Variants in OPHN1 observed in about 807,000 individuals in gnomAD.
The protein encoded by OPHN1 is oligophrenin 1, also known as oligophrenin-1.
A neutral mutation model predicts 60.7 loss-of-function variants in OPHN1; 11 were observed. That is an observed-to-expected ratio of 0.18 (90% CI 0.11 to 0.30). OPHN1 has a LOEUF of 0.30. Ranked by LOEUF, OPHN1 falls within the 10% of genes least tolerant of loss-of-function variation. The pLI is 1.00. For synonymous variants in OPHN1, 226 were observed against 222.6 expected, an observed-to-expected ratio of 1.02 and a Z score of -0.14; for missense variants, 449 against 611.0, an observed-to-expected ratio of 0.73 and a Z score of 2.80.
At chrX:68,184,036 C>T (rs2077450364) in intron 15 of OPHN1, among the ~76,000 whole-genome samples, 1 of 111,364 alleles carries the variant, frequency 9.0e-6, no homozygotes, top group Non-Finnish European at 1.9e-5. Context: ...CCACAGCATG[C>T]TTTAAAAGGC....
At chrX:68,235,498 C>T (rs2077748191) in intron 5 of OPHN1, among the ~76,000 whole-genome samples, 1 of 110,700 alleles carries the variant, frequency 9.0e-6, no homozygotes, top group African/African-American at 3.3e-5. Context: ...CAATCTGTTG[C>T]TGGGCAGGAA....
At chrX:68,231,991 TA>T (rs2077730992) in intron 6 of OPHN1, among the ~76,000 whole-genome samples, 1 of 111,757 alleles carries the variant, frequency 8.9e-6, no homozygotes, top group South Asian at 3.7e-4. Context: ...TGTGAGGGAG[TA>T]AGGGCATATG....
intron 12 of OPHN1, among the ~76,000 whole-genome samples, chrX:68,194,819 T>G (rs2077503766): frequency 9.2e-6 from 1 of 108,980 alleles, no homozygotes; most frequent in Non-Finnish European, 1.9e-5. Context: ...AATCCAAAAA[T>G]TAGCCAGGCA....
Position 68,067,363 on chromosome X carries a change from G to T in OPHN1, c.1835-3186C>A, listed in dbSNP as rs745670320. Among the ~76,000 whole-genome samples, 3 of 110,769 alleles carry T rather than the reference G, an allele frequency of 2.7e-5. No individual in the cohort carries two copies. In the East Asian group the frequency reaches 8.6e-4, roughly 32 times the overall value. ...ATAGGGACCAATTACAGATGAAAAA[G>T]TGTGGGTAGCTGGAGGTGAGGTTGT... On this transcript the variant is annotated intron_variant, in intron 20 of 24. Coordinates refer to ENST00000355520, the MANE Select transcript of OPHN1 (RefSeq NM_002547.3).
chrX:68,307,296 A>G (rs1352225692), intron 2 of OPHN1, among the ~76,000 whole-genome samples: 1 of 107,349 alleles, frequency 9.3e-6, no homozygotes, highest in East Asian at 2.9e-4. Flanking sequence ...AAAAATAATA[A>G]TAATAATAAT....
chrX:68,146,951 T>C (rs1273693569), intron 15 of OPHN1, among the ~76,000 whole-genome samples: 1 of 112,233 alleles, frequency 8.9e-6, no homozygotes, highest in East Asian at 2.8e-4. Flanking sequence ...ATTGGAATAC[T>C]GTATGATTAA....
chrX:68,304,546 C>T (rs1339768058), intron 2 of OPHN1, among the ~76,000 whole-genome samples: 1 of 110,919 alleles, frequency 9.0e-6, no homozygotes, highest in East Asian at 2.8e-4. Context: ...ATTCTGGAAA[C>T]GAGTCTTTTG....
rs2076834213 is a variant in OPHN1 at position 68,046,926 on chromosome X, A to G, written c.*246T>C. On this transcript the variant is annotated 3_prime_UTR_variant, in exon 25 of 25. Coordinates refer to ENST00000355520, the MANE Select transcript of OPHN1 (RefSeq NM_002547.3). ...GGCTTGAGGGAGTCCAGCTCTTCAC[A>G]GTGTTATAGGAACTCAAAACAGACC... The G allele has an allele frequency of 9.0e-6, 1 of 111,614 alleles. No individual in the cohort carries two copies. The highest frequency in any genetic ancestry group is 1.9e-5 in the Non-Finnish European group (1 of 53,151). 9.2% of individuals were successfully genotyped at this position (111,614 alleles called of 1,213,427 possible).
At chrX:68,203,293 G>A (rs1325857035) in intron 10 of OPHN1, among the ~76,000 whole-genome samples, 2 of 111,296 alleles carry the variant, frequency 1.8e-5, no homozygotes, top group African/African-American at 6.5e-5. Flanking sequence ...CCATCTCTAA[G>A]TCTTAACTTC....
At chrX:68,074,530 A>T (rs188916262) in intron 19 of OPHN1, among the ~76,000 whole-genome samples, 103 of 111,433 alleles carry the variant, frequency 9.2e-4, no homozygotes, top group African/African-American at 3.3e-3. Flanking sequence ...AGGTCGTTGC[A>T]CTGACTGTTT....
chrX:68,049,302 A>G (rs1287867923), intron 23 of OPHN1, among the ~76,000 whole-genome samples: 1 of 111,929 alleles, frequency 8.9e-6, no homozygotes, highest in Admixed American at 9.4e-5. Context: ...AAATTTAACA[A>G]CTGTGTCTTC....
chrX:68,395,446 CTCTT>C (rs1421065773), intron 2 of OPHN1, among the ~76,000 whole-genome samples: 16 of 106,671 alleles, frequency 1.5e-4, no homozygotes, highest in Non-Finnish European at 2.5e-4. Context: ...TTTTCTCTCT[CTCTT>C]TTTTTTTTTT....
chrX:68,155,175 AGAACATAAAG>A (rs1427106815), intron 15 of OPHN1, among the ~76,000 whole-genome samples: 2 of 112,227 alleles, frequency 1.8e-5, no homozygotes, highest in East Asian at 5.6e-4. Flanking sequence ...TGTGTATTAG[AGAACATAAAG>A]GCACAGATCA....
intron 2 of OPHN1, among the ~76,000 whole-genome samples, chrX:68,338,002 G>A (rs187686095): frequency 2.8e-4 from 31 of 111,092 alleles, no homozygotes; most frequent in Non-Finnish European, 2.6e-4. Context: ...AGAATTCAAC[G>A]ATTCACTTTC....
At position 68,432,850 on chromosome X, in the gene OPHN1, C is replaced by T; in HGVS notation, c.154+17G>A. ...ACACCAGCTCAGAGAAACAGCTCAT[C>T]GAAGCCTTGCACTTACTTCTCATAG... On this transcript the variant is annotated intron_variant, in intron 2 of 24. Transcript: ENST00000355520. 2 of 1,210,246 alleles carry T rather than the reference C, an allele frequency of 1.7e-6. No homozygotes were observed. Among genetic ancestry groups the T allele is most frequent in the Non-Finnish European group, 2.2e-6 (2 of 894,153 alleles).
chrX:68,373,311 TA>T (rs1700034419), intron 2 of OPHN1, among the ~76,000 whole-genome samples: 1 of 112,417 alleles, frequency 8.9e-6, no homozygotes, highest in African/African-American at 3.2e-5. Context: ...TCGACACTTT[TA>T]AACAAGAATA....
At chrX:68,158,231 C>A (rs983631776) in intron 15 of OPHN1, among the ~76,000 whole-genome samples, 1 of 112,715 alleles carries the variant, frequency 8.9e-6, no homozygotes, top group African/African-American at 3.2e-5. Flanking sequence ...GAGAAACTAG[C>A]TAGTGCAAAG....
chrX:68,220,159 G>A lies in OPHN1; in HGVS notation c.487-6187C>T, dbSNP rs1445725739. ...CAGAGAATACTACAAACACCTCTACGCAAATAAACTAGAAAATCTAGAAGA... is the reference window on the plus strand; with the variant it reads ...CAGAGAATACTACAAACACCTCTACACAAATAAACTAGAAAATCTAGAAGA... On this transcript the variant is annotated intron_variant, in intron 6 of 24. Transcript: ENST00000355520. Among the ~76,000 whole-genome samples, 342 of 97,005 alleles carry A rather than the reference G, an allele frequency of 3.5e-3. 1 individual carries two copies. Among genetic ancestry groups the A allele is most frequent in the African/African-American group, 0.011 (264 of 23,689 alleles). The allele number at this position is 97,005 out of a possible 115,157, so 84.2% of individuals were successfully genotyped here.
intron 5 of OPHN1, among the ~76,000 whole-genome samples, chrX:68,264,216 A>C (rs953993573): frequency 8.9e-6 from 1 of 111,737 alleles, no homozygotes; most frequent in Non-Finnish European, 1.9e-5. Context: ...CATGTCTAAA[A>C]CACCAAAAGC....
Sources: gnomAD v4.1 joint callset for allele counts (sites outside exome capture counted in the v4.1 genomes callset) on GRCh38, gnomAD v4.1.1 for gene constraint, MANE v1.5 for transcripts, NCBI Gene and HGNC (gene_info 2026-07-23, HGNC 2026-07-21) for gene names.